The following COP1 variants were observed in gnomAD, a reference collection of about 807,000 sequenced individuals.
The protein encoded by COP1 is COP1 E3 ubiquitin ligase, also known as E3 ubiquitin-protein ligase COP1.
Under a neutral mutation model 101.3 loss-of-function variants are expected in COP1, and 24 were observed. That is an observed-to-expected ratio of 0.24 (90% CI 0.17 to 0.33). The LOEUF (loss-of-function observed/expected upper bound fraction) is 0.33. COP1 is among the 10% of genes least tolerant of loss of function. The pLI, the probability that COP1 is intolerant of heterozygous loss-of-function variation, is 1.00. For synonymous variants in COP1, 347 were observed against 341.9 expected, an observed-to-expected ratio of 1.01 and a Z score of -0.17; for missense variants, 663 against 906.2, an observed-to-expected ratio of 0.73 and a Z score of 3.45.
At chr1:176,181,318 C>T (rs926633007) in intron 2 of COP1, among the ~76,000 whole-genome samples, 3 of 151,840 alleles carry the variant, frequency 2.0e-5, no homozygotes, top group East Asian at 1.9e-4. Flanking sequence ...CCAGAATTTA[C>T]GTTACTAGAA....
intron 2 of COP1, among the ~76,000 whole-genome samples, chr1:176,181,464 G>C (rs1361948833): frequency 6.6e-6 from 1 of 151,650 alleles, no homozygotes; most frequent in East Asian, 1.9e-4. Flanking sequence ...GCCTGATGTT[G>C]GAATTGACAG....
chr1:176,188,437 G>A (rs563000794), intron 1 of COP1, among the ~76,000 whole-genome samples: 107 of 152,142 alleles, frequency 7.0e-4, no homozygotes, highest in African/African-American at 2.5e-3. Context: ...AGGGAAAAAC[G>A]TATCCATTTA....
intron 6 of COP1, among the ~76,000 whole-genome samples, chr1:176,137,414 T>C (rs1025798286): frequency 6.6e-6 from 1 of 152,198 alleles, no homozygotes; most frequent in African/African-American, 2.4e-5. Context: ...AAAAATAAAA[T>C]TATTCAATCA....
At position 175,982,876 on chromosome 1, in the gene COP1, G is replaced by A. The variant is rs542920939; in HGVS notation, c.2133+4067C>T. Among the ~76,000 whole-genome samples the A allele has an allele frequency of 4.6e-5, 7 of 152,292 alleles. No individual in the cohort carries two copies. The East Asian group carries it at 1.4e-3, about 29-fold the overall frequency. On this transcript the variant is annotated intron_variant, in intron 18 of 19. Coordinates refer to ENST00000367669, the MANE Select transcript of COP1 (RefSeq NM_022457.7). ...ATGGTAGTTACCAGAGGTGGGGGAT[G>A]GGAGTGGGAGGATGCCAAGATGTTG...
intron 18 of COP1, among the ~76,000 whole-genome samples, chr1:175,969,629 A>G (rs542825824): frequency 6.6e-4 from 101 of 152,304 alleles, no homozygotes; most frequent in Non-Finnish European, 1.1e-3. Context: ...AAGTTTACCC[A>G]TTCTTTGGGT....
chr1:176,145,298 A>T (rs975013703), intron 6 of COP1, among the ~76,000 whole-genome samples: 3 of 152,192 alleles, frequency 2.0e-5, no homozygotes, highest in African/African-American at 7.2e-5. Context: ...ACCATATAAC[A>T]GTGTATATAC....
chr1:176,145,207 A>G (rs1054716220), intron 6 of COP1, among the ~76,000 whole-genome samples: 2 of 152,140 alleles, frequency 1.3e-5, no homozygotes, highest in African/African-American at 4.8e-5. Flanking sequence ...CTTCACACAC[A>G]AACATAAAAA....
intron 9 of COP1, among the ~76,000 whole-genome samples, chr1:176,109,362 G>T (rs1179739601): frequency 6.6e-6 from 1 of 151,996 alleles, no homozygotes; most frequent in Admixed American, 6.6e-5. Flanking sequence ...TTTCCCATTT[G>T]TCCCAACACC....
intron 9 of COP1, among the ~76,000 whole-genome samples, chr1:176,115,212 G>A (rs1469194747): frequency 6.6e-6 from 1 of 152,206 alleles, no homozygotes; most frequent in African/African-American, 2.4e-5. Flanking sequence ...ACTCTGGGAG[G>A]CCAAGGTGGG....
chr1:176,170,577 A>C (rs1177437855), intron 3 of COP1, among the ~76,000 whole-genome samples: 1 of 152,204 alleles, frequency 6.6e-6, no homozygotes, highest in Admixed American at 6.5e-5. Flanking sequence ...GTCTTACGAT[A>C]TTCAGTAAAT....
At position 176,076,788 on chromosome 1, in the gene COP1, G is replaced by A. The variant is rs536309704; in HGVS notation, c.1277+4364C>T. 5.3e-5 allele frequency among the ~76,000 whole-genome samples: 8 copies of A among 152,064 alleles called. No homozygotes were observed. The East Asian group carries it at 1.4e-3, about 26-fold the overall frequency. On this transcript the variant is annotated intron_variant, in intron 11 of 19. Transcript: ENST00000367669. Reference sequence around the variant, plus strand: ...TGCAATCAGAAATGACAAAGATGACGTTACAACCAATACCACAGAAATACA... The same window carrying A: ...TGCAATCAGAAATGACAAAGATGACATTACAACCAATACCACAGAAATACA...
intron 11 of COP1, among the ~76,000 whole-genome samples, chr1:176,057,525 CG>C (rs1163229367): frequency 6.6e-6 from 1 of 152,204 alleles, no homozygotes; most frequent in Non-Finnish European, 1.5e-5. Flanking sequence ...TTGGTGGAGA[CG>C]GGGTTTCGCT....
intron 2 of COP1, among the ~76,000 whole-genome samples, 197 bp downstream of exon 2, chr1:176,184,436 A>G (rs1233307623): frequency 6.6e-6 from 1 of 152,166 alleles, no homozygotes; most frequent in African/African-American, 2.4e-5. Context: ...TTCTAAATCT[A>G]AACATTTGAC....
intron 5 of COP1, among the ~76,000 whole-genome samples, chr1:176,155,408 A>G (rs1693297055): frequency 6.6e-6 from 1 of 152,062 alleles, no homozygotes; most frequent in African/African-American, 2.4e-5. Context: ...GAGGAAAGGA[A>G]TAACAAACTC....
chr1:176,153,866 T>C (rs953591685), intron 5 of COP1, among the ~76,000 whole-genome samples: 9 of 152,238 alleles, frequency 5.9e-5, no homozygotes, highest in Non-Finnish European at 1.3e-4. Flanking sequence ...CTATCTTTTG[T>C]AGTTCCATTC....
chr1:175,950,619 T>TA (rs1214154467), intron 18 of COP1, among the ~76,000 whole-genome samples: 2 of 152,216 alleles, frequency 1.3e-5, no homozygotes, highest in African/African-American at 2.4e-5. Context: ...CTAAATAAAA[T>TA]AAAAGTGTGA....
intron 8 of COP1, among the ~76,000 whole-genome samples, chr1:176,123,653 T>G (rs983705314): frequency 6.6e-6 from 1 of 152,174 alleles, no homozygotes; most frequent in African/African-American, 2.4e-5. Flanking sequence ...AAACTTTATC[T>G]GAGGTATTTC....
chr1:176,099,139 GT>G (rs71129553), intron 9 of COP1, among the ~76,000 whole-genome samples: 41,198 of 151,934 alleles, frequency 0.27, 6,685 homozygotes, highest in East Asian at 0.52. Flanking sequence ...TGGACATTTT[GT>G]TATTCACAGA....
At chr1:176,057,388 G>C (rs1372404449) in intron 11 of COP1, among the ~76,000 whole-genome samples, 5 of 152,112 alleles carry the variant, frequency 3.3e-5, no homozygotes, top group African/African-American at 1.2e-4. Context: ...ATGCCGAGCG[G>C]AAGCTGAACT....
Sources: gnomAD v4.1 joint callset for allele counts (sites outside exome capture counted in the v4.1 genomes callset) on GRCh38, gnomAD v4.1.1 for gene constraint, MANE v1.5 for transcripts, NCBI Gene and HGNC (gene_info 2026-07-23, HGNC 2026-07-21) for gene names.